LAMA1: variants seen among roughly 807,000 people sequenced by gnomAD.
LAMA1 encodes laminin subunit alpha 1.
Under a neutral mutation model 348.7 loss-of-function variants are expected in LAMA1, and 219 were observed. That is an observed-to-expected ratio of 0.63 (90% confidence interval 0.56 to 0.70). LAMA1 has a LOEUF of 0.70. Among genes scored for constraint, LAMA1 ranks in the 30% least tolerant of loss-of-function variants. LAMA1 has a pLI of 0.00. For synonymous variants in LAMA1, 1,487 were observed against 1,491.0 expected (o/e 1.00, Z 0.06); for missense variants, 3,744 against 3,888.0 (o/e 0.96, Z 0.99).
chr18:7,028,724 T>C (rs1338076164), intron 16 of LAMA1, among the ~76,000 whole-genome samples: 4 of 152,184 alleles, frequency 2.6e-5, no homozygotes, highest in Admixed American at 6.5e-5. Flanking sequence ...CCCCCCCTCA[T>C]TTAAAACATT....
chr18:7,109,458 G>C (rs2058327092), intron 1 of LAMA1, among the ~76,000 whole-genome samples: 1 of 152,182 alleles, frequency 6.6e-6, no homozygotes, highest in Non-Finnish European at 1.5e-5. Context: ...GGCTGGGTGG[G>C]AACTCCAATT....
At chr18:6,988,294 T>C (rs1426539190) in intron 36 of LAMA1, among the ~76,000 whole-genome samples, 2 of 152,346 alleles carry the variant, frequency 1.3e-5, no homozygotes, top group Admixed American at 6.5e-5. Flanking sequence ...CAGAGGAAAC[T>C]GGTGTTTCTC....
At chr18:6,974,356 T>A (rs1007576431) in intron 46 of LAMA1, among the ~76,000 whole-genome samples, 2 of 151,968 alleles carry the variant, frequency 1.3e-5, no homozygotes, top group African/African-American at 4.8e-5. Context: ...TGTGAATGGA[T>A]AAAGAAAATG....
In LAMA1 at chr18:7,010,200, C is replaced by A. The variant is rs2057853045; in HGVS notation, c.3873G>T (p.Glu1291Asp). Residue 1291 changes from glutamate to aspartate, a missense_variant and splice_region_variant, in exon 26 of 63, where the codon GAG becomes GAT. By Grantham distance (45) the Glu-to-Asp change is conservative. Coordinates refer to ENST00000389658, the MANE Select transcript of LAMA1 (RefSeq NM_005559.4). ...VRQEQEVAMR[E>D]NFWKYFNSVS... is the part of the protein sequence containing the mutation. ...TTCTATGAAAAGATCCCATTATCAC[C>A]TCTCTCATTGCTACTTCTTGTTCCT... 1 of 1,613,894 alleles carries A rather than the reference C, an allele frequency of 6.2e-7. No individual in the cohort carries two copies. Among genetic ancestry groups the A allele is most frequent in the African/African-American group, 1.3e-5 (1 of 74,900 alleles).
rs749210330 is a variant in LAMA1, at chr18:6,993,758, G to A, written c.4897-6C>T. Reference sequence around the variant, plus strand: ...CTCGCTAACATCCTAGTGAGCTGGTGGAAAAATAAAGTCTCAGGTTAGTTT... The same window carrying A: ...CTCGCTAACATCCTAGTGAGCTGGTAGAAAAATAAAGTCTCAGGTTAGTTT... On this transcript the variant is annotated splice_region_variant and splice_polypyrimidine_tract_variant and intron_variant, in intron 34 of 62. Coordinates refer to ENST00000389658, the MANE Select transcript of LAMA1 (RefSeq NM_005559.4). The A allele has an allele frequency of 1.3e-6, 2 of 1,554,556 alleles. No homozygotes were observed. Among genetic ancestry groups the A allele is most frequent in the Admixed American group, 1.7e-5 (1 of 59,950 alleles).
intron 19 of LAMA1, among the ~76,000 whole-genome samples, chr18:7,021,847 T>TAATATAATA (rs1475542817): frequency 3.6e-3 from 220 of 61,712 alleles, no homozygotes; most frequent in Non-Finnish European, 5.2e-3. Context: ...ATATATTATA[T>TAATATAATA]TATATTATAT....
Position 6,980,651 on chromosome 18 carries a change from G to GA in LAMA1, c.5891-15dup, listed in dbSNP as rs2057707285. 5.9e-6 allele frequency: 9 copies of GA among 1,516,492 alleles called. No homozygotes were observed. The highest frequency in any genetic ancestry group is 8.2e-6 in the Non-Finnish European group (9 of 1,092,680). 93.9% of individuals were successfully genotyped at this position (1,516,492 alleles called of 1,614,324 possible). A position where few individuals can be genotyped will look rare whatever the true frequency, so the allele number is the denominator to read the frequency against. Reference sequence around the variant, plus strand: ...CCAATGCAATACCTATTTAAAGGGAGAAAAATGTTTCCTTTCAGGTTAGCC... The same window carrying GA: ...CCAATGCAATACCTATTTAAAGGGAGAAAAAATGTTTCCTTTCAGGTTAGCC... On this transcript the variant is annotated splice_polypyrimidine_tract_variant and intron_variant, in intron 41 of 62. Coordinates refer to ENST00000389658, the MANE Select transcript of LAMA1 (RefSeq NM_005559.4).
In LAMA1 at chr18:6,999,657, A is replaced by T; in HGVS notation, c.4470-19T>A. 6.3e-7 allele frequency: 1 copy of T among 1,591,806 alleles called. No individual in the cohort carries two copies. Among genetic ancestry groups the T allele is most frequent in the Non-Finnish European group, 8.6e-7 (1 of 1,165,956 alleles). ...GGAGCACCTACAGAAAGGAAGGGAC[A>T]TAGGTGCAGACAGGATGGTCAATAC... On this transcript the variant is annotated intron_variant, in intron 31 of 62. Transcript: ENST00000389658.
Position 7,050,844 on chromosome 18 carries a change from G to C in LAMA1, c.438C>G (p.Phe146Leu). The change falls in exon 4 of 63, where the codon TTC (phenylalanine) becomes TTG (leucine). Residue 146 changes from phenylalanine to leucine, a missense_variant. Phe to Leu is a conservative substitution (Grantham distance 22). Around this residue, in one of 3 missense-constraint regions of LAMA1, gnomAD observed 1,529 missense variants for 1,689.4 expected, o/e 0.91. Coordinates refer to ENST00000389658, the MANE Select transcript of LAMA1 (RefSeq NM_005559.4). ...TGACTGCATAATACTGCCAGGGGCTGAACGTGGTGCCATCCAGAGAACGCT... is the reference window on the plus strand; with the variant it reads ...TGACTGCATAATACTGCCAGGGGCTCAACGTGGTGCCATCCAGAGAACGCT... Reference protein sequence around the residue: ...ILERSLDGTTFSPWQYYAVSD... With the variant: ...ILERSLDGTTLSPWQYYAVSD... 1 of 1,614,190 alleles carries C rather than the reference G, an allele frequency of 6.2e-7. No individual in the cohort carries two copies.
intron 20 of LAMA1, 88 bp downstream of exon 20, chr18:7,017,184 AACTAAT>A (rs2054898433): frequency 1.0e-6 from 1 of 964,372 alleles, no homozygotes; most frequent in Non-Finnish European, 1.6e-6. Context: ...TGTGAGAACA[AACTAAT>A]ACACTTGGGG....
At chr18:7,069,823 G>A (rs908465147) in intron 3 of LAMA1, among the ~76,000 whole-genome samples, 2 of 151,000 alleles carry the variant, frequency 1.3e-5, no homozygotes, top group Admixed American at 6.6e-5. Flanking sequence ...CTGCCCCAGA[G>A]AACCTCTCCC....
rs557585224 is a variant in LAMA1 at position 7,115,814 on chromosome 18, C to CAAAAAAAAAAAAAAAAAAAAAAAAA, written c.61+1845_61+1846insTTTTTTTTTTTTTTTTTTTTTTTTT. ...TGAAACCCTGTCTCCACTAAAAATA[C>CAAAAAAAAAAAAAAAAAAAAAAAAA]AAAAAAAAAAAAAAAAAAATAGCCG... On this transcript the variant is annotated intron_variant, in intron 1 of 62. Transcript: ENST00000389658. 1.8e-4 allele frequency among the ~76,000 whole-genome samples: 17 copies of CAAAAAAAAAAAAAAAAAAAAAAAAA among 94,810 alleles called. 1 individual carries two copies. Among genetic ancestry groups the CAAAAAAAAAAAAAAAAAAAAAAAAA allele is most frequent in the East Asian group, 5.3e-4 (1 of 1,886 alleles). The allele number at this position is 94,810 out of a possible 152,430, so 62.2% of individuals were successfully genotyped here.
intron 3 of LAMA1, among the ~76,000 whole-genome samples, chr18:7,072,713 G>A (rs143478720): frequency 1.3e-5 from 2 of 152,272 alleles, no homozygotes; most frequent in African/African-American, 2.4e-5. Flanking sequence ...GGGCTGCTCT[G>A]TCTCTGTGTT....
At chr18:6,945,048 A>G (rs2057515698) in intron 61 of LAMA1, among the ~76,000 whole-genome samples, 1 of 152,274 alleles carries the variant, frequency 6.6e-6, no homozygotes, top group Middle Eastern at 3.4e-3. Flanking sequence ...CTAATTTTTT[A>G]TTTATCTAAA....
At chr18:7,073,833 T>C (rs534389890) in intron 3 of LAMA1, among the ~76,000 whole-genome samples, 120 of 133,664 alleles carry the variant, frequency 9.0e-4, no homozygotes, top group African/African-American at 3.1e-3. Flanking sequence ...TGTGTGTGTG[T>C]GTGTGTGTGT....
intron 62 of LAMA1, 87 bp from the exon 63 acceptor site, chr18:6,942,326 C>T (rs938732205): frequency 2.5e-5 from 36 of 1,421,832 alleles, no homozygotes; most frequent in African/African-American, 2.4e-4. Context: ...TAATCTCAAG[C>T]GGGTTTTTTT....
chr18:7,064,818 A>G (rs1203260676), intron 3 of LAMA1, among the ~76,000 whole-genome samples: 2 of 152,246 alleles, frequency 1.3e-5, no homozygotes, highest in Non-Finnish European at 2.9e-5. Flanking sequence ...TAGTAGGAAA[A>G]GCAAAAATTC....
intron 1 of LAMA1, among the ~76,000 whole-genome samples, chr18:7,100,415 T>G (rs909226770): frequency 1.3e-5 from 2 of 152,154 alleles, no homozygotes; most frequent in Admixed American, 6.5e-5. Context: ...TGTAAAACAG[T>G]GCAGACACTT....
intron 49 of LAMA1, chr18:6,965,945 A>C: frequency 1.7e-6 from 1 of 597,038 alleles, no homozygotes; most frequent in Non-Finnish European, 2.9e-6. Flanking sequence ...ATTTTTCTAA[A>C]GGTTCTACAA....
Sources: allele counts gnomAD v4.1 joint callset (sites outside exome capture counted in the v4.1 genomes callset), GRCh38; gene constraint gnomAD v4.1.1; regional missense constraint gnomAD v4.1.1; transcripts MANE v1.5; gene names NCBI Gene and HGNC (gene_info 2026-07-23, HGNC 2026-07-21).